Variants in SCARF2 observed in about 807,000 individuals in gnomAD.
SCARF2 encodes scavenger receptor expressed by endothelial cells 2 protein.
Under a neutral mutation model 73.4 loss-of-function variants are expected in SCARF2, and 39 were observed. The observed-to-expected ratio is 0.53, with a 90% CI of 0.41 to 0.69. SCARF2 has a LOEUF of 0.69. Ranked by LOEUF, SCARF2 falls within the 30% of genes least tolerant of loss-of-function variation. The pLI is 0.00. For synonymous variants in SCARF2, 605 were observed against 590.0 expected (o/e 1.03, Z -0.37); for missense variants, 1,148 against 1,303.5 (o/e 0.88, Z 1.84).
intron 9 of SCARF2, among the ~76,000 whole-genome samples, chr22:20,428,285 C>A (rs1183718684): frequency 6.9e-6 from 1 of 145,224 alleles, no homozygotes; most frequent in East Asian, 2.2e-4. Flanking sequence ...CTCTCCTCTC[C>A]TCTCTTCTCT....
At chr22:20,430,044 TG>T (rs1163582356) in intron 6 of SCARF2, 5 of 622,878 alleles carry the variant, frequency 8.0e-6, no homozygotes, top group African/African-American at 3.7e-5. Context: ...ACAACACTAG[TG>T]GGGGGGCCTG....
intron 1 of SCARF2, among the ~76,000 whole-genome samples, chr22:20,437,086 C>A (rs993347837): frequency 1.3e-5 from 2 of 152,170 alleles, no homozygotes; most frequent in South Asian, 4.1e-4. Flanking sequence ...CCCACCCGCG[C>A]CCGCTCTAAG....
intron 9 of SCARF2, among the ~76,000 whole-genome samples, chr22:20,428,311 C>T (rs1019526551): frequency 2.9e-5 from 4 of 138,208 alleles, no homozygotes; most frequent in African/African-American, 5.3e-5. Context: ...TTTTTCTTGA[C>T]AGTTTTGCTC....
chr22:20,429,908 G>T lies in SCARF2; in HGVS notation c.1203-75C>A. On this transcript the variant is annotated intron_variant, in intron 6 of 10. Transcript: ENST00000622235. This position sits in a 1 kb window ranked among gnomAD's most constrained non-coding sequence, Gnocchi z 5.2. ...CCCCTACCCTCACCCCTCACCCGCG[G>T]CCAGGGCCCAGGGTCCAGGGTCCCA... The T allele has an allele frequency of 1.4e-6, 2 of 1,468,498 alleles. No homozygotes were observed. The highest frequency in any genetic ancestry group is 9.3e-7 in the Non-Finnish European group (1 of 1,077,344). The allele number at this position is 1,468,498 out of a possible 1,614,324, so 91.0% of individuals were successfully genotyped here. A position where few individuals can be genotyped will look rare whatever the true frequency, so the allele number is the denominator to read the frequency against.
chr22:20,428,895 G>A (rs977912446), intron 9 of SCARF2, among the ~76,000 whole-genome samples: 2 of 152,102 alleles, frequency 1.3e-5, no homozygotes, highest in African/African-American at 4.8e-5. Context: ...AGCTCTGGCC[G>A]GGATATACAG....
chr22:20,425,842 C>G lies in SCARF2; in HGVS notation c.2134G>C (p.Gly712Arg), dbSNP rs375504983. The change falls in exon 11 of 11, where the codon GGC becomes CGC. Residue 712 changes from glycine to arginine, a missense_variant. By Grantham distance (125) the Gly-to-Arg change is moderately radical. Around this residue, in one of 5 missense-constraint regions of SCARF2, gnomAD observed 437 missense variants for 433.6 expected, o/e 1.01. Coordinates refer to ENST00000622235, the MANE Select transcript of SCARF2 (RefSeq NM_182895.5). The surrounding 1 kb of genome is among the most constrained non-coding windows in gnomAD (Gnocchi z 4.6). Reference sequence around the variant, plus strand: ...GTTGGGTCGCGGGTCCGGGGGCTGCCGTGTTCGACCGTATGCGCCGATTTG... The same window carrying G: ...GTTGGGTCGCGGGTCCGGGGGCTGCGGTGTTCGACCGTATGCGCCGATTTG... Reference protein sequence around the residue: ...SDKSAHTVEHGSPRTRDPTPR... With the variant: ...SDKSAHTVEHRSPRTRDPTPR... 2 of 1,582,434 alleles carry G rather than the reference C, an allele frequency of 1.3e-6. No homozygotes were observed. Among genetic ancestry groups the G allele is most frequent in the South Asian group, 1.1e-5 (1 of 88,002 alleles).
At chr22:20,435,537 C>A (rs2052690943) in intron 1 of SCARF2, among the ~76,000 whole-genome samples, 1 of 152,192 alleles carries the variant, frequency 6.6e-6, no homozygotes, top group Admixed American at 6.5e-5. Flanking sequence ...GCCTGCCCAC[C>A]CTCACTCTCT....
chr22:20,435,192 G>C (rs1180610926), intron 1 of SCARF2, among the ~76,000 whole-genome samples: 1 of 152,182 alleles, frequency 6.6e-6, no homozygotes, highest in Non-Finnish European at 1.5e-5. Flanking sequence ...TTTCAGGCTG[G>C]GAAGCTGAGA....
In SCARF2 at chr22:20,431,227, G is replaced by T; in HGVS notation, c.645C>A (p.Cys215Ter). ...GCTCGCAGGGAGACGAGTTGCAGGC[G>T]CACTGGTTGTTGCAGCTGCGGCCCC... Reference protein sequence around the residue: ...GWWGRSCNNQCACNSSPCEQQ... With the variant: ...GWWGRSCNNQ Residue 215 changes from cysteine to a stop codon, truncating the protein, a stop_gained, in exon 4 of 11, where the codon TGC (cysteine) becomes TGA (stop). Coordinates refer to ENST00000622235, the MANE Select transcript of SCARF2 (RefSeq NM_182895.5). LOFTEE classifies it high-confidence loss of function. 1 of 1,559,868 alleles carries T rather than the reference G, an allele frequency of 6.4e-7. No homozygotes were observed. The highest frequency in any genetic ancestry group is 8.6e-7 in the Non-Finnish European group (1 of 1,161,222).
chr22:20,430,217 G>A (rs1461789748), intron 6 of SCARF2, among the ~76,000 whole-genome samples: 1 of 152,188 alleles, frequency 6.6e-6, no homozygotes, highest in Non-Finnish European at 1.5e-5. Context: ...GACACAGGCT[G>A]GACTGGTCAC....
intron 1 of SCARF2, 105 bp downstream of exon 1, chr22:20,437,477 C>A (rs2052713158): frequency 7.9e-7 from 1 of 1,267,472 alleles, no homozygotes; most frequent in Non-Finnish European, 1.1e-6. Context: ...GGGGCCCACA[C>A]TTGGCGTAGG....
At position 20,426,281 on chromosome 22, in the gene SCARF2, C is replaced by G. The variant is rs2052578062; in HGVS notation, c.1695G>C (p.Glu565Asp). Reference sequence around the variant, plus strand: ...CGGGGTCCCGGCTCTCCGCTGGTGCCTCTGGCAAGGGAAGAGCAGGGCGGT... The same window carrying G: ...CGGGGTCCCGGCTCTCCGCTGGTGCGTCTGGCAAGGGAAGAGCAGGGCGGT... ...EGPVYCVPHE[E>D]APAESRDPEV... Residue 565 changes from glutamate to aspartate, a missense_variant and splice_region_variant, in exon 11 of 11, where the codon GAG becomes GAC. By Grantham distance (45) the Glu-to-Asp change is conservative (BLOSUM62 2). This residue lies in a region of SCARF2 where 437 missense variants were observed against 433.6 expected (regional missense o/e 1.01). Transcript: ENST00000622235. 6.5e-7 allele frequency: 1 copy of G among 1,533,648 alleles called. No individual in the cohort carries two copies. Among genetic ancestry groups the G allele is most frequent in the South Asian group, 1.2e-5 (1 of 83,608 alleles).
rs1171801755 is a variant in SCARF2 at position 20,425,243 on chromosome 22, G to A, written c.*132C>T. On this transcript the variant is annotated 3_prime_UTR_variant, in exon 11 of 11. Transcript: ENST00000622235. The surrounding 1 kb of genome is among the most constrained non-coding windows in gnomAD (Gnocchi z 4.6). ...GAGCGGCTGCAGGACCTGAGCCAAT[G>A]AGACGCAACCTCCGCTAGCCGCGCG... 1.4e-5 allele frequency: 10 copies of A among 724,498 alleles called. No homozygotes were observed. The highest frequency in any genetic ancestry group is 2.0e-5 in the Non-Finnish European group (10 of 510,152). The allele number at this position is 724,498 out of a possible 1,614,324, so 44.9% of individuals were successfully genotyped here.
chr22:20,425,281 T>A lies in SCARF2; in HGVS notation c.*94A>T. The A allele has an allele frequency of 5.4e-6, 6 of 1,116,234 alleles. No individual in the cohort carries two copies. Among genetic ancestry groups the A allele is most frequent in the Non-Finnish European group, 7.0e-6 (6 of 860,008 alleles). 69.1% of individuals were successfully genotyped at this position (1,116,234 alleles called of 1,614,324 possible). A position where few individuals can be genotyped will look rare whatever the true frequency, so the allele number is the denominator to read the frequency against. ...CGCTAGCCGCGCGGTGCCCGGCCAA[T>A]AGGAGGCCGCCCGTGCCCGGTAGCG... On this transcript the variant is annotated 3_prime_UTR_variant, in exon 11 of 11. Coordinates refer to ENST00000622235, the MANE Select transcript of SCARF2 (RefSeq NM_182895.5). The surrounding 1 kb of genome is among the most constrained non-coding windows in gnomAD (Gnocchi z 4.6).
Position 20,424,612 on chromosome 22 carries a change from C to A in SCARF2, c.*763G>T, listed in dbSNP as rs960216944. Among the ~76,000 whole-genome samples the A allele has an allele frequency of 6.6e-6, 1 of 152,242 alleles. No individual in the cohort carries two copies. The highest frequency in any genetic ancestry group is 2.4e-5 in the African/African-American group (1 of 41,462). On this transcript the variant is annotated 3_prime_UTR_variant, in exon 11 of 11. Coordinates refer to ENST00000622235, the MANE Select transcript of SCARF2 (RefSeq NM_182895.5). ...GGGGAAAGGCATTTTATTAAGAAAG[C>A]TTTGGCCAAGCCCCCGCCGGGAGGA...
In SCARF2 at chr22:20,429,518, G is replaced by A; in HGVS notation, c.1424+18C>T. ...GCGGCCTGAACCCAGGCGAAAGCGG[G>A]GCAGTATCTGGGCTCACCGGCGCGT... On this transcript the variant is annotated intron_variant, in intron 8 of 10. Coordinates refer to ENST00000622235, the MANE Select transcript of SCARF2 (RefSeq NM_182895.5). The surrounding 1 kb of genome is among the most constrained non-coding windows in gnomAD (Gnocchi z 5.2). 1.9e-6 allele frequency: 3 copies of A among 1,611,410 alleles called. No individual in the cohort carries two copies. Among genetic ancestry groups the A allele is most frequent in the Non-Finnish European group, 2.5e-6 (3 of 1,179,412 alleles).
chr22:20,426,007 G>A lies in SCARF2; in HGVS notation c.1969C>T (p.Pro657Ser), dbSNP rs369044776. 2.5e-6 allele frequency: 4 copies of A among 1,582,900 alleles called. No homozygotes were observed. Among genetic ancestry groups the A allele is most frequent in the African/African-American group, 1.4e-5 (1 of 71,772 alleles). The stretch of plus-strand genomic sequence containing the variant: ...ACCTTAGGCTTGGTGGCGGGGTCAG[G>A]TGGCGGCGGTTTCCTGCGCTCGGGC... The part of the protein sequence containing the change: ...PSPERRKPPP[P>S]DPATKPKVSW... The change falls in exon 11 of 11, where the codon CCT (proline) becomes TCT (serine). Residue 657 changes from proline (P) to serine (S), a missense_variant. Transcript: ENST00000622235.
rs370641584 is a variant in SCARF2 at position 20,437,599 on chromosome 22, G to T, written c.156C>A (p.Asn52Lys). 8 of 1,573,636 alleles carry T rather than the reference G, an allele frequency of 5.1e-6. No individual in the cohort carries two copies. In the South Asian group the frequency reaches 9.2e-5, roughly 18 times the overall value. ...GCTCCTACCCGGGAGCACGGCACACGTTGCGGCCGCGAGGGTTCAGTTCCT... is the reference window on the plus strand; with the variant it reads ...GCTCCTACCCGGGAGCACGGCACACTTTGCGGCCGCGAGGGTTCAGTTCCT... ...APQELNPRGR[N>K]VCRAPGSQVP... The change falls in exon 1 of 11, where the codon AAC becomes AAA. Residue 52 changes from asparagine to lysine, a missense_variant. Physicochemically the swap from Asn to Lys is moderately conservative, Grantham distance 94. Coordinates refer to ENST00000622235, the MANE Select transcript of SCARF2 (RefSeq NM_182895.5).
intron 3 of SCARF2, 29 bp downstream of exon 3, chr22:20,431,716 G>T (rs778390696): frequency 6.2e-6 from 6 of 966,666 alleles, no homozygotes; most frequent in Non-Finnish European, 8.6e-6. Context: ...CCGCCCCACC[G>T]ACCAATACCG....
Sources: allele counts gnomAD v4.1 joint callset (sites outside exome capture counted in the v4.1 genomes callset), GRCh38; gene constraint gnomAD v4.1.1; regional missense constraint gnomAD v4.1.1; non-coding constraint Gnocchi (gnomAD v3.1); transcripts MANE v1.5; gene names NCBI Gene and HGNC (gene_info 2026-07-23, HGNC 2026-07-21).